The following LCLAT1 variants were observed in gnomAD, a reference collection of about 807,000 sequenced individuals.
LCLAT1 encodes 1-AGP acyltransferase 8.
A neutral mutation model predicts 30.7 loss-of-function variants in LCLAT1; 11 were observed. That is an observed-to-expected ratio of 0.36 (90% confidence interval 0.23 to 0.59). The LOEUF is 0.59. Ranked by LOEUF, LCLAT1 falls within the 20% of genes least tolerant of loss-of-function variation. The pLI is 0.77. For synonymous variants in LCLAT1, 155 were observed against 151.3 expected (o/e 1.02, Z -0.18); for missense variants, 402 against 458.6 (o/e 0.88, Z 1.13).
At chr2:30,621,382 C>G (rs1668240842) in intron 5 of LCLAT1, among the ~76,000 whole-genome samples, 1 of 151,990 alleles carries the variant, frequency 6.6e-6, no homozygotes, top group Non-Finnish European at 1.5e-5. Flanking sequence ...AAATGGAGCC[C>G]CTCATGAAAG....
At chr2:30,550,466 GT>G (rs1405324910) in intron 3 of LCLAT1, among the ~76,000 whole-genome samples, 1 of 152,014 alleles carries the variant, frequency 6.6e-6, no homozygotes, top group Non-Finnish European at 1.5e-5. Flanking sequence ...GCTTTTCATG[GT>G]GCCTTTGAAA....
intron 5 of LCLAT1, among the ~76,000 whole-genome samples, chr2:30,600,217 C>G (rs989818827): frequency 2.0e-5 from 3 of 152,124 alleles, no homozygotes; most frequent in East Asian, 1.9e-4. Flanking sequence ...GAAACTCACT[C>G]AAAACCATAC....
At chr2:30,530,548 T>G (rs931915133) in intron 2 of LCLAT1, among the ~76,000 whole-genome samples, 4 of 152,066 alleles carry the variant, frequency 2.6e-5, no homozygotes, top group African/African-American at 9.7e-5. Context: ...TGGTCTTGAT[T>G]GTTGTTGTTG....
intron 1 of LCLAT1, among the ~76,000 whole-genome samples, chr2:30,451,047 T>C (rs993844496): frequency 5.3e-5 from 8 of 152,202 alleles, no homozygotes; most frequent in African/African-American, 1.7e-4. Context: ...ATTTTAAAAA[T>C]GCATAGATGT....
At chr2:30,583,899 G>A (rs1666312090) in intron 5 of LCLAT1, among the ~76,000 whole-genome samples, 1 of 151,876 alleles carries the variant, frequency 6.6e-6, no homozygotes, top group Non-Finnish European at 1.5e-5. Flanking sequence ...GATAAGGGAA[G>A]GGCTCTTTTC....
intron 5 of LCLAT1, among the ~76,000 whole-genome samples, chr2:30,609,597 C>T (rs1159368360): frequency 3.9e-5 from 6 of 152,034 alleles, no homozygotes; most frequent in African/African-American, 1.4e-4. Context: ...TAGTGAAGAC[C>T]CAGTTTCTTC....
intron 5 of LCLAT1, among the ~76,000 whole-genome samples, chr2:30,613,404 G>A (rs941563930): frequency 6.6e-6 from 1 of 152,064 alleles, no homozygotes; most frequent in Non-Finnish European, 1.5e-5. Flanking sequence ...AAAGAGAAGT[G>A]GAGAGTGAGG....
chr2:30,555,405 G>A (rs1378218412), intron 3 of LCLAT1, among the ~76,000 whole-genome samples: 2 of 152,022 alleles, frequency 1.3e-5, no homozygotes, highest in Non-Finnish European at 1.5e-5. Context: ...AAAGAAGCCC[G>A]CAAACTTATG....
intron 1 of LCLAT1, among the ~76,000 whole-genome samples, chr2:30,460,566 A>G (rs572005428): frequency 3.9e-5 from 6 of 152,350 alleles, no homozygotes; most frequent in African/African-American, 1.4e-4. Flanking sequence ...AGAATCTATT[A>G]TATCTGGCTT....
chr2:30,480,756 G>T (rs928273669), intron 1 of LCLAT1, among the ~76,000 whole-genome samples: 1 of 152,116 alleles, frequency 6.6e-6, no homozygotes, highest in South Asian at 2.1e-4. Context: ...TGTTTCTGGG[G>T]TTGGGGAAAA....
At chr2:30,449,505 T>C (rs904610447) in intron 1 of LCLAT1, among the ~76,000 whole-genome samples, 9 of 151,364 alleles carry the variant, frequency 5.9e-5, no homozygotes, top group Non-Finnish European at 1.3e-4. Context: ...TAATTTCTTT[T>C]TTTTTTTTTT....
intron 5 of LCLAT1, among the ~76,000 whole-genome samples, chr2:30,590,955 C>G (rs1325261531): frequency 6.6e-6 from 1 of 152,108 alleles, no homozygotes; most frequent in Non-Finnish European, 1.5e-5. Flanking sequence ...TAAATGTTCC[C>G]TCTTCAGTCC....
At chr2:30,615,116 G>C (rs1387583233) in intron 5 of LCLAT1, among the ~76,000 whole-genome samples, 1 of 152,074 alleles carries the variant, frequency 6.6e-6, no homozygotes, top group Non-Finnish European at 1.5e-5. Context: ...GTCACTAGAA[G>C]GAGAGGTGAG....
chr2:30,552,595 G>T (rs17009714), intron 3 of LCLAT1: 6 of 436,698 alleles, frequency 1.4e-5, no homozygotes, highest in Non-Finnish European at 2.8e-5. Context: ...AAAAGCCTTC[G>T]TGGAAATTAA....
rs139586207 is a variant in LCLAT1 at position 30,519,453 on chromosome 2, C to T, written c.-4-6134C>T. On this transcript the variant is annotated intron_variant, in intron 1 of 5. Transcript: ENST00000379509. Reference sequence around the variant, plus strand: ...AGCAGGAAGCAGTTAGAGTGGTCGTCAGCCAACCTCCCCAACAGCACTTGG... The same window carrying T: ...AGCAGGAAGCAGTTAGAGTGGTCGTTAGCCAACCTCCCCAACAGCACTTGG... Among the ~76,000 whole-genome samples the T allele has an allele frequency of 9.3e-3, 1,420 of 152,216 alleles. 24 individuals are homozygous for T. The highest frequency in any genetic ancestry group is 0.032 in the African/African-American group (1,331 of 41,532).
intron 5 of LCLAT1, among the ~76,000 whole-genome samples, chr2:30,610,360 T>C (rs1310531266): frequency 2.7e-5 from 4 of 150,220 alleles, no homozygotes; most frequent in Admixed American, 6.8e-5. Flanking sequence ...TGGACAAATA[T>C]TAGCCTATAA....
chr2:30,479,718 T>TA (rs1346904109), intron 1 of LCLAT1, among the ~76,000 whole-genome samples: 3 of 152,186 alleles, frequency 2.0e-5, no homozygotes, highest in African/African-American at 7.2e-5. Context: ...ACTAACTTTG[T>TA]AAAAAATTTA....
intron 5 of LCLAT1, among the ~76,000 whole-genome samples, chr2:30,598,414 CTTTTT>C (rs58514140): frequency 4.4e-5 from 6 of 135,948 alleles, no homozygotes; most frequent in East Asian, 2.1e-4. Flanking sequence ...TCTAGATTTT[CTTTTT>C]TTTTTTTTTT....
At chr2:30,481,402 TAGAG>T (rs1319117943) in intron 1 of LCLAT1, among the ~76,000 whole-genome samples, 2 of 152,024 alleles carry the variant, frequency 1.3e-5, no homozygotes, top group Non-Finnish European at 2.9e-5. Flanking sequence ...AGGAAAAGGA[TAGAG>T]AGAAGACAAC....
Sources: allele counts gnomAD v4.1 joint callset (sites outside exome capture counted in the v4.1 genomes callset), GRCh38; gene constraint gnomAD v4.1.1; transcripts MANE v1.5; gene names NCBI Gene and HGNC (gene_info 2026-07-23, HGNC 2026-07-21).